The following INSL6 variants were observed in gnomAD, a reference collection of about 807,000 sequenced individuals.
The protein encoded by INSL6 is insulin-like peptide INSL6.
A neutral mutation model predicts 9.4 loss-of-function variants in INSL6; 16 were observed. That is an observed-to-expected ratio of 1.70 (90% CI 1.15 to 2.59). The LOEUF (loss-of-function observed/expected upper bound fraction) is 2.59, where lower values mean the gene tolerates loss of function less well. INSL6 is among the 30% of genes most tolerant of loss of function. The probability of loss-of-function intolerance (pLI) is 0.00; values close to 1 mark genes in which losing one functional copy is unlikely to be tolerated. For synonymous variants in INSL6, 154 were observed against 96.9 expected (o/e 1.59, Z -3.46); for missense variants, 391 against 257.3 (o/e 1.52, Z -3.56).
At chr9:5,069,391 G>C in the INSL6 span, among the ~76,000 whole-genome samples, 1 of 152,112 alleles carries the variant, frequency 6.6e-6, no homozygotes, top group Non-Finnish European at 1.5e-5. Context: ...TGGTGGTCTA[G>C]AAGTGACTTG....
At chr9:5,107,217 G>T in the INSL6 span, among the ~76,000 whole-genome samples, 1 of 152,000 alleles carries the variant, frequency 6.6e-6, no homozygotes, top group Non-Finnish European at 1.5e-5. Flanking sequence ...ATATCTGAAA[G>T]ATATTAAATA....
chr9:5,124,619 A>C (rs1484359403), intron 3 of INSL6, among the ~76,000 whole-genome samples: 1 of 151,906 alleles, frequency 6.6e-6, no homozygotes, highest in Non-Finnish European at 1.5e-5. Context: ...AAGCAAAAAG[A>C]ACAAAGCTGG....
At chr9:5,161,209 C>G (rs1176315574), downstream of INSL6, among the ~76,000 whole-genome samples, 1 of 152,072 alleles carries the variant, frequency 6.6e-6, no homozygotes, top group Non-Finnish European at 1.5e-5. Flanking sequence ...AAACCAAACG[C>G]AACAACACAT....
intron 1 of INSL6, among the ~76,000 whole-genome samples, chr9:5,184,887 G>A (rs910290616): frequency 5.3e-5 from 8 of 152,132 alleles, no homozygotes; most frequent in African/African-American, 1.9e-4. Context: ...TCTTCTACAA[G>A]GTTGGGCTGA....
chr9:5,064,401 A>T, the INSL6 span, among the ~76,000 whole-genome samples: 3 of 151,238 alleles, frequency 2.0e-5, no homozygotes, highest in Non-Finnish European at 2.9e-5. Context: ...ATGGCGGCAT[A>T]TGCCTGTAAT....
the INSL6 span, among the ~76,000 whole-genome samples, chr9:5,004,999 C>T: frequency 2.0e-5 from 3 of 148,764 alleles, no homozygotes; most frequent in Admixed American, 2.0e-4. Flanking sequence ...TCACTGCAGC[C>T]TTGACCTCCC....
the INSL6 span, chr9:5,081,847 C>T: frequency 6.2e-7 from 1 of 1,613,010 alleles, no homozygotes. Context: ...GAAATTTCTA[C>T]AGCAACTTGG....
the INSL6 span, among the ~76,000 whole-genome samples, chr9:5,076,517 A>G: frequency 6.6e-6 from 1 of 152,108 alleles, no homozygotes; most frequent in Non-Finnish European, 1.5e-5. Context: ...TTTTAAAAAG[A>G]TATATTCTTT....
chr9:5,135,613 A>ATT (rs1294645813), intron 2 of INSL6, among the ~76,000 whole-genome samples: 1 of 152,234 alleles, frequency 6.6e-6, no homozygotes, highest in East Asian at 1.9e-4. Context: ...TCTAGGACAC[A>ATT]TTTAAAGCAG....
chr9:5,046,384 T>C, the INSL6 span, among the ~76,000 whole-genome samples: 1 of 152,220 alleles, frequency 6.6e-6, no homozygotes, highest in African/African-American at 2.4e-5. Flanking sequence ...TGCTTGTCTT[T>C]TGATGGACAA....
intron 2 of INSL6, among the ~76,000 whole-genome samples, chr9:5,135,861 AATAG>A (rs1388480059): frequency 1.3e-5 from 2 of 152,172 alleles, no homozygotes; most frequent in East Asian, 1.9e-4. Context: ...AAATCAACAA[AATAG>A]ATACACGGCT....
the INSL6 span, among the ~76,000 whole-genome samples, chr9:5,104,685 C>T: frequency 6.6e-6 from 1 of 152,212 alleles, no homozygotes; most frequent in Admixed American, 6.5e-5. Context: ...CCCAATCCAG[C>T]AGCACATCCA....
chr9:5,167,441 C>G (rs917668482), intron 1 of INSL6, among the ~76,000 whole-genome samples: 1 of 152,260 alleles, frequency 6.6e-6, no homozygotes, highest in Non-Finnish European at 1.5e-5. Context: ...ACCATGATGC[C>G]AGTGCAGTTT....
At chr9:5,158,012 G>T (rs1017202669) in intron 2 of INSL6, among the ~76,000 whole-genome samples, 1 of 152,064 alleles carries the variant, frequency 6.6e-6, no homozygotes, top group Non-Finnish European at 1.5e-5. Context: ...GAAATAAAAA[G>T]AATAAAGCAG....
chr9:5,035,448 C>CAATA, the INSL6 span, among the ~76,000 whole-genome samples: 1 of 152,138 alleles, frequency 6.6e-6, no homozygotes, highest in African/African-American at 2.4e-5. Flanking sequence ...AATTTTATAC[C>CAATA]AATATCCTTG....
intron 1 of INSL6, among the ~76,000 whole-genome samples, chr9:5,180,672 G>C (rs371894028): frequency 4.6e-5 from 7 of 152,212 alleles, no homozygotes; most frequent in South Asian, 4.2e-4. Flanking sequence ...TGGTCAGACT[G>C]GTTCTCTGCT....
the INSL6 span, chr9:5,111,033 C>T: frequency 9.1e-6 from 8 of 882,170 alleles, no homozygotes; most frequent in African/African-American, 1.7e-5. Flanking sequence ...CCTCCCTGGC[C>T]GGGGCGCAAT....
chr9:5,016,901 G>A, the INSL6 span, among the ~76,000 whole-genome samples: 1 of 152,188 alleles, frequency 6.6e-6, no homozygotes. Flanking sequence ...CAAAGAAGTA[G>A]CATTTGACGG....
At chr9:5,058,878 A>G in the INSL6 span, among the ~76,000 whole-genome samples, 1 of 152,000 alleles carries the variant, frequency 6.6e-6, no homozygotes, top group Non-Finnish European at 1.5e-5. Flanking sequence ...TCATTTTTTA[A>G]TCAGGTTTTT....
Sources: gnomAD v4.1 joint callset for allele counts (sites outside exome capture counted in the v4.1 genomes callset) on GRCh38, gnomAD v4.1.1 for gene constraint, MANE v1.5 for transcripts, NCBI Gene and HGNC (gene_info 2026-07-23, HGNC 2026-07-21) for gene names.